SLC35F5: variants seen among roughly 807,000 people sequenced by gnomAD.
The protein encoded by SLC35F5 is HCV NS5A-transactivated protein 3.
Under a neutral mutation model 68.6 loss-of-function variants are expected in SLC35F5, and 54 were observed. That is an observed-to-expected ratio of 0.79 (90% CI 0.63 to 0.99). SLC35F5 has a LOEUF of 0.99. SLC35F5 is among the 50% of genes least tolerant of loss of function. SLC35F5 has a pLI of 0.00. For synonymous variants in SLC35F5, 211 were observed against 205.2 expected, an observed-to-expected ratio of 1.03 and a Z score of -0.24; for missense variants, 567 against 626.9, an observed-to-expected ratio of 0.90 and a Z score of 1.02.
rs960936272 is a variant in SLC35F5, at chr2:113,736,358, T to C, written c.751-500A>G. Reference sequence around the variant, plus strand: ...TACTCAGGAGGCTGAGGTGGGAAGATTACTTGAGCCTGGGAGGTTGAGGCT... The same window carrying C: ...TACTCAGGAGGCTGAGGTGGGAAGACTACTTGAGCCTGGGAGGTTGAGGCT... On this transcript the variant is annotated intron_variant, in intron 7 of 15. Coordinates refer to ENST00000245680, the MANE Select transcript of SLC35F5 (RefSeq NM_025181.5). Among the ~76,000 whole-genome samples, 7 of 151,522 alleles carry C rather than the reference T, an allele frequency of 4.6e-5. 1 individual carries two copies. Among genetic ancestry groups the C allele is most frequent in the African/African-American group, 1.5e-4 (6 of 41,286 alleles).
chr2:113,724,176 G>C (rs1479317367), intron 12 of SLC35F5, among the ~76,000 whole-genome samples: 1 of 152,214 alleles, frequency 6.6e-6, no homozygotes, highest in Non-Finnish European at 1.5e-5. Context: ...TAGCTGCTCT[G>C]TGAAAAGAGC....
chr2:113,732,421 C>G (rs1687930071), intron 9 of SLC35F5, among the ~76,000 whole-genome samples: 1 of 141,990 alleles, frequency 7.0e-6, no homozygotes, highest in South Asian at 2.3e-4. Context: ...TGAGATATTG[C>G]TAATTAAAAA....
chr2:113,726,988 T>G (rs1335109234), intron 11 of SLC35F5, among the ~76,000 whole-genome samples: 1 of 152,226 alleles, frequency 6.6e-6, no homozygotes, highest in African/African-American at 2.4e-5. Flanking sequence ...TTTGGCTCTG[T>G]GTCCCCACCC....
intron 4 of SLC35F5, among the ~76,000 whole-genome samples, chr2:113,748,803 T>C (rs1271457885): frequency 6.7e-6 from 1 of 148,158 alleles, no homozygotes; most frequent in Non-Finnish European, 1.5e-5. Context: ...TTGTTTTTAA[T>C]TGTTTTTTAT....
At chr2:113,721,153 A>T (rs1215382334) in intron 13 of SLC35F5, 1 of 152,040 alleles carries the variant, frequency 6.6e-6, no homozygotes, top group Non-Finnish European at 1.5e-5. Context: ...CAGTTAGCTA[A>T]TTAAACCTAA....
In SLC35F5 at chr2:113,725,458, C is replaced by G. The variant is rs773000852; in HGVS notation, c.1170G>C (p.Glu390Asp). The G allele has an allele frequency of 1.2e-6, 2 of 1,611,246 alleles. No individual in the cohort carries two copies. Among genetic ancestry groups the G allele is most frequent in the Non-Finnish European group, 1.7e-6 (2 of 1,179,212 alleles). Residue 390 changes from glutamate (E) to aspartate (D), a missense_variant, in exon 12 of 16, where the codon GAG becomes GAC. Glu to Asp is a conservative substitution (Grantham distance 45). Coordinates refer to ENST00000245680, the MANE Select transcript of SLC35F5 (RefSeq NM_025181.5). ...ACATTAATACTACTTTATTGGGAAA[C>G]TCGAAGTCCTCAAATCCAGTATAAT... ...LLHYTGFEDF[E>D]FPNKVVLMCI... is the part of the protein sequence containing the mutation.
At chr2:113,756,057 A>G in intron 1 of SLC35F5, 1 of 1,461,462 alleles carries the variant, frequency 6.8e-7, no homozygotes, top group Non-Finnish European at 9.0e-7. Flanking sequence ...CTCTATCAAA[A>G]CATCCAGTCA....
chr2:113,725,792 C>T (rs1687638522), intron 11 of SLC35F5: 1 of 304,568 alleles, frequency 3.3e-6, no homozygotes, highest in Non-Finnish European at 6.0e-6. Flanking sequence ...TGGAATAAAC[C>T]ACTTAGGACA....
At chr2:113,721,580 C>T (rs1023554163) in intron 13 of SLC35F5, among the ~76,000 whole-genome samples, 18 of 151,812 alleles carry the variant, frequency 1.2e-4, no homozygotes, top group East Asian at 1.9e-4. Flanking sequence ...TTTCAATCTA[C>T]GAAAGCTTTT....
intron 7 of SLC35F5, among the ~76,000 whole-genome samples, chr2:113,738,109 T>C (rs780713595): frequency 6.6e-6 from 1 of 151,642 alleles, no homozygotes; most frequent in South Asian, 2.1e-4. Context: ...TGTGTGTATA[T>C]GTGATGAACA....
chr2:113,734,647 C>T lies in SLC35F5; in HGVS notation c.859G>A (p.Val287Ile). Residue 287 changes from valine (V) to isoleucine (I), a missense_variant, in exon 9 of 16, where the codon GTA (valine) becomes ATA (isoleucine). Coordinates refer to ENST00000245680, the MANE Select transcript of SLC35F5 (RefSeq NM_025181.5). ...CTATCTCCACTGTTACTTGGAAATA[C>T]TGCAGCAAGGATTAAGGTAAAAAGT... Reference protein sequence around the residue: ...SGLFTLILAAVFPSNSGDRFT... With the variant: ...SGLFTLILAAIFPSNSGDRFT... 6.2e-7 allele frequency: 1 copy of T among 1,605,908 alleles called. No individual in the cohort carries two copies. The highest frequency in any genetic ancestry group is 1.3e-5 in the African/African-American group (1 of 74,742).
chr2:113,755,766 G>A (rs1175424722), intron 1 of SLC35F5: 7 of 1,281,962 alleles, frequency 5.5e-6, no homozygotes, highest in African/African-American at 1.5e-5. Context: ...CAGGGAGGGG[G>A]AGTAATATAC....
At chr2:113,721,633 T>C (rs1483979619) in intron 13 of SLC35F5, among the ~76,000 whole-genome samples, 1 of 152,098 alleles carries the variant, frequency 6.6e-6, no homozygotes, top group Non-Finnish European at 1.5e-5. Context: ...TACACAGTAG[T>C]CTACCAAAAT....
chr2:113,745,036 A>G (rs1476637110), intron 5 of SLC35F5, among the ~76,000 whole-genome samples: 1 of 152,222 alleles, frequency 6.6e-6, no homozygotes, highest in Non-Finnish European at 1.5e-5. Context: ...ACAACAAAAA[A>G]AAATTCAGTA....
chr2:113,736,386 A>T (rs1688096667), intron 7 of SLC35F5, among the ~76,000 whole-genome samples: 1 of 149,456 alleles, frequency 6.7e-6, no homozygotes, highest in Non-Finnish European at 1.5e-5. Flanking sequence ...TTGAGGCTGC[A>T]GTGAGGCATA....
At chr2:113,743,210 T>C (rs980832300) in intron 6 of SLC35F5, among the ~76,000 whole-genome samples, 1 of 152,324 alleles carries the variant, frequency 6.6e-6, no homozygotes, top group African/African-American at 2.4e-5. Flanking sequence ...AGTAAAACTT[T>C]ATTTGGATTT....
intron 2 of SLC35F5, 43 bp downstream of exon 2, chr2:113,755,411 T>G: frequency 6.2e-7 from 1 of 1,608,516 alleles, no homozygotes; most frequent in Non-Finnish European, 8.5e-7. Context: ...TGTTAGCTAA[T>G]GTTCAGTGTG....
intron 13 of SLC35F5, among the ~76,000 whole-genome samples, chr2:113,722,683 TG>T (rs1687493050): frequency 6.6e-6 from 1 of 152,242 alleles, no homozygotes; most frequent in South Asian, 2.1e-4. Flanking sequence ...ATACCCACTC[TG>T]CTGAGTCCAG....
chr2:113,735,119 C>T (rs938409986), intron 8 of SLC35F5, among the ~76,000 whole-genome samples: 6 of 152,022 alleles, frequency 3.9e-5, no homozygotes, highest in African/African-American at 1.4e-4. Context: ...TACATTTTAG[C>T]CAAAGGGTCT....
Sources: gnomAD v4.1 joint callset for allele counts (sites outside exome capture counted in the v4.1 genomes callset) on GRCh38, gnomAD v4.1.1 for gene constraint, MANE v1.5 for transcripts, NCBI Gene and HGNC (gene_info 2026-07-23, HGNC 2026-07-21) for gene names.